UPF2: variants seen among roughly 807,000 people sequenced by gnomAD.
UPF2 encodes regulator of nonsense transcripts 2.
In UPF2, 17 loss-of-function variants were observed where a neutral mutation model predicts 141.4. The observed-to-expected ratio is 0.12, with a 90% confidence interval of 0.08 to 0.18. The LOEUF (loss-of-function observed/expected upper bound fraction) is 0.18. UPF2 is among the 10% of genes least tolerant of loss of function. The pLI is 1.00. For synonymous variants in UPF2, 540 were observed against 498.0 expected (o/e 1.08, Z -1.12); for missense variants, 1,152 against 1,515.9 (o/e 0.76, Z 3.99).
intron 16 of UPF2, 67 bp from the exon 17 acceptor site, chr10:11,943,235 A>G: frequency 8.0e-7 from 1 of 1,256,340 alleles, no homozygotes; most frequent in Non-Finnish European, 1.1e-6. Context: ...ACATGCCTTA[A>G]AAAGATTTCA....
intron 21 of UPF2, chr10:11,928,704 G>A (rs949599325): frequency 4.0e-5 from 14 of 350,778 alleles, no homozygotes; most frequent in African/African-American, 1.6e-4. Flanking sequence ...GCCAGACTCC[G>A]CCTCAGAAAA....
Position 11,940,306 on chromosome 10 carries a change from G to T in UPF2, c.3378+2359C>A, listed in dbSNP as rs184726247. Among the ~76,000 whole-genome samples the T allele has an allele frequency of 5.8e-3, 876 of 152,216 alleles. 5 individuals carry two copies. Among genetic ancestry groups the T allele is most frequent in the Middle Eastern group, 0.048 (14 of 294 alleles). On this transcript the variant is annotated intron_variant, in intron 18 of 21. Transcript: ENST00000357604. The surrounding 1 kb of genome is among the most constrained non-coding windows in gnomAD (Gnocchi z 4.2). ...AACTTCTATTCCTTTGACTTCATCA[G>T]CTTTTCTACCTTATTTCTAAATGTT...
In UPF2 at chr10:11,935,404, T is replaced by C. The variant is rs557469476; in HGVS notation, c.3546+1141A>G. Among the ~76,000 whole-genome samples the C allele has an allele frequency of 5.9e-5, 9 of 152,200 alleles. 1 individual carries two copies. The highest frequency in any genetic ancestry group is 1.9e-4 in the African/African-American group (8 of 41,512). ...AATGACTGTGTAGACGAATGTGGTA[T>C]TGGACTTGTCTAAGATAACTGTGGC... is the stretch of plus-strand genomic sequence containing the variant. On this transcript the variant is annotated intron_variant, in intron 19 of 21. Coordinates refer to ENST00000357604, the MANE Select transcript of UPF2 (RefSeq NM_015542.4). This position sits in a 1 kb window ranked among gnomAD's most constrained non-coding sequence, Gnocchi z 4.9.
At chr10:12,008,755 C>T (rs1021675618) in intron 4 of UPF2, among the ~76,000 whole-genome samples, 6 of 151,504 alleles carry the variant, frequency 4.0e-5, no homozygotes, top group African/African-American at 1.5e-4. Flanking sequence ...ATACATGTTC[C>T]ATGGTGGTTT....
At chr10:11,983,451 C>A (rs1375519666) in intron 8 of UPF2, among the ~76,000 whole-genome samples, 2 of 152,158 alleles carry the variant, frequency 1.3e-5, no homozygotes, top group Admixed American at 6.5e-5. Context: ...CGGCTCACTG[C>A]AAGTTCCGCC....
In UPF2 at chr10:11,931,743, C is replaced by T. The variant is rs753013849; in HGVS notation, c.3586G>A (p.Ala1196Thr). ...GCCTGTTGCTGGTTCCAGTGATTTG[C>T]AGCAAGTTGAGAGGACATGGGTACA... ...LNVPMSSQLA[A>T]NHWNQQQAEQ... The change falls in exon 20 of 22, where the codon GCA becomes ACA. Residue 1196 changes from alanine to threonine, a missense_variant. By Grantham distance (58) the Ala-to-Thr change is moderately conservative. Transcript: ENST00000357604. The surrounding 1 kb of genome is among the most constrained non-coding windows in gnomAD (Gnocchi z 5.9). 5 of 1,613,228 alleles carry T rather than the reference C, an allele frequency of 3.1e-6. No individual in the cohort carries two copies. The highest frequency in any genetic ancestry group is 4.2e-6 in the Non-Finnish European group (5 of 1,179,910).
chr10:11,938,872 T>TTTTTTTTTTTTTTTTTG (rs1832898983), intron 18 of UPF2, among the ~76,000 whole-genome samples: 1 of 106,012 alleles, frequency 9.4e-6, no homozygotes, highest in African/African-American at 3.3e-5. Context: ...TTTTTTTTTT[T>TTTTTTTTTTTTTTTTTG]TTTTTTTTTT....
At chr10:11,967,193 T>A (rs935894571) in intron 10 of UPF2, 148 bp downstream of exon 10, 19 of 465,902 alleles carry the variant, frequency 4.1e-5, no homozygotes, top group Non-Finnish European at 6.7e-5. Context: ...TTGTTTTGTA[T>A]TTTGCACACT....
intron 15 of UPF2, among the ~76,000 whole-genome samples, chr10:11,951,368 G>A (rs577124258): frequency 6.7e-4 from 102 of 152,150 alleles, no homozygotes; most frequent in Admixed American, 1.9e-3. Flanking sequence ...TGGCCAAAAC[G>A]TGTCACTTTA....
At chr10:11,977,437 T>C (rs1378568744) in intron 9 of UPF2, among the ~76,000 whole-genome samples, 3 of 152,156 alleles carry the variant, frequency 2.0e-5, no homozygotes, top group African/African-American at 7.2e-5. Flanking sequence ...TAATGAAGCA[T>C]TGCAATAGTA....
chr10:12,002,041 A>G (rs1462734636), intron 5 of UPF2, among the ~76,000 whole-genome samples: 1 of 152,048 alleles, frequency 6.6e-6, no homozygotes, highest in East Asian at 1.9e-4. Context: ...GAGGCCGAGG[A>G]GGGAGGATCA....
rs79292537 is a variant in UPF2, at chr10:11,939,759, C to T, written c.3378+2906G>A. Among the ~76,000 whole-genome samples, 2 of 152,024 alleles carry T rather than the reference C, an allele frequency of 1.3e-5. No individual in the cohort carries two copies. Among genetic ancestry groups the T allele is most frequent in the African/African-American group, 4.8e-5 (2 of 41,388 alleles). The stretch of plus-strand genomic sequence containing the variant: ...CTTGAACTCCTGACCTCAGGTGATC[C>T]ACCCGCCTCGGCCTCCCAAAGTGCT... On this transcript the variant is annotated intron_variant, in intron 18 of 21. Coordinates refer to ENST00000357604, the MANE Select transcript of UPF2 (RefSeq NM_015542.4). This position sits in a 1 kb window ranked among gnomAD's most constrained non-coding sequence, Gnocchi z 4.8.
At chr10:11,955,748 A>G (rs1010015675) in intron 13 of UPF2, among the ~76,000 whole-genome samples, 7 of 152,258 alleles carry the variant, frequency 4.6e-5, no homozygotes, top group African/African-American at 1.7e-4. Flanking sequence ...CTATCATTAC[A>G]TGAATTGTTT....
At chr10:11,999,871 T>C (rs747675905) in intron 7 of UPF2, 35 bp downstream of exon 7, 17 of 1,550,244 alleles carry the variant, frequency 1.1e-5, no homozygotes, top group South Asian at 6.7e-5. Context: ...ACAAGGTCCA[T>C]GTGCTTGAAT....
intron 8 of UPF2, among the ~76,000 whole-genome samples, chr10:11,987,058 G>A (rs766769543): frequency 6.6e-6 from 1 of 152,238 alleles, no homozygotes; most frequent in Non-Finnish European, 1.5e-5. Flanking sequence ...AGATTCTTAC[G>A]TACTTTCCCT....
chr10:11,962,061 A>G lies in UPF2; in HGVS notation c.2184+1948T>C, dbSNP rs148223359. On this transcript the variant is annotated intron_variant, in intron 11 of 21. Transcript: ENST00000357604. Reference sequence around the variant, plus strand: ...GCTAGAGATTTAATGACCACACCCTATAAGTTCTTTGGACAAAATAGAATG... The same window carrying G: ...GCTAGAGATTTAATGACCACACCCTGTAAGTTCTTTGGACAAAATAGAATG... 1.6e-3 allele frequency among the ~76,000 whole-genome samples: 244 copies of G among 152,332 alleles called. 1 individual carries two copies. The highest frequency in any genetic ancestry group is 5.3e-3 in the African/African-American group (221 of 41,578).
At chr10:11,930,099 C>G in intron 20 of UPF2, 114 bp from the exon 21 acceptor site, 2 of 1,464,896 alleles carry the variant, frequency 1.4e-6, no homozygotes, top group Non-Finnish European at 1.8e-6. Context: ...AGGGAGCTGA[C>G]TAAAGAAAAA....
Position 12,023,679 on chromosome 10 carries a change from G to A in UPF2, c.1145+5066C>T, listed in dbSNP as rs1332164716. Among the ~76,000 whole-genome samples, 6 of 150,160 alleles carry A rather than the reference G, an allele frequency of 4.0e-5. No individual in the cohort carries two copies. In the East Asian group the frequency reaches 7.8e-4, roughly 20 times the overall value. On this transcript the variant is annotated intron_variant, in intron 3 of 21. Transcript: ENST00000357604. The stretch of plus-strand genomic sequence containing the variant: ...CACTCCAGCCTGGGGGACAGAGCGA[G>A]ACTCCATCTAAAAAAAAAAAAAAGA...
At chr10:11,961,198 C>G (rs1833235479) in intron 11 of UPF2, among the ~76,000 whole-genome samples, 1 of 151,588 alleles carries the variant, frequency 6.6e-6, no homozygotes, top group African/African-American at 2.4e-5. Flanking sequence ...TTACAAGAAA[C>G]TTAACAGTCT....
Sources: allele counts gnomAD v4.1 joint callset (sites outside exome capture counted in the v4.1 genomes callset), GRCh38; gene constraint gnomAD v4.1.1; non-coding constraint Gnocchi (gnomAD v3.1); transcripts MANE v1.5; gene names NCBI Gene and HGNC (gene_info 2026-07-23, HGNC 2026-07-21).